The following ALS2CL variants were observed in gnomAD, a reference collection of about 807,000 sequenced individuals.
ALS2CL encodes ALS2 C-terminal like, also known as ALS2 C-terminal-like protein.
In ALS2CL, 112 loss-of-function variants were observed where a neutral mutation model predicts 127.9. The observed-to-expected ratio is 0.88, with a 90% confidence interval of 0.75 to 1.02. The LOEUF is 1.02. ALS2CL is among the 50% of genes least tolerant of loss of function. ALS2CL has a pLI of 0.00. For missense variants in ALS2CL, 1,174 were observed against 1,236.7 expected, an observed-to-expected ratio of 0.95 and a Z score of 0.76; for synonymous variants, 519 against 527.6, an observed-to-expected ratio of 0.98 and a Z score of 0.22.
In ALS2CL at chr3:46,686,978, C is replaced by A. The variant is rs777181021; in HGVS notation, c.534+5G>T. 34 of 1,585,012 alleles carry A rather than the reference C, an allele frequency of 2.1e-5. 1 individual carries two copies. Among genetic ancestry groups the A allele is most frequent in the South Asian group, 1.6e-4 (14 of 88,226 alleles). The stretch of plus-strand genomic sequence containing the variant: ...TCCCCACATGCTGCTGCCCCTGGTA[C>A]CCACCTCCCCAATGGTGTCCCCGAG... On this transcript the variant is annotated splice_donor_5th_base_variant and intron_variant, in intron 5 of 25. Transcript: ENST00000318962. The surrounding 1 kb of genome is among the most constrained non-coding windows in gnomAD (Gnocchi z 4.3).
chr3:46,685,759 A>C lies in ALS2CL; in HGVS notation c.667-115T>G. 2.8e-6 allele frequency: 4 copies of C among 1,410,806 alleles called. 1 individual carries two copies. In the South Asian group the frequency reaches 5.7e-5, roughly 20 times the overall value. 87.4% of individuals were successfully genotyped at this position (1,410,806 alleles called of 1,614,324 possible). ...ACCTCCCAGAGGCCCCCTCCAGTAG[A>C]CCTGGAGCGGACCCTGGGTCAGAGA... On this transcript the variant is annotated intron_variant, in intron 6 of 25. Coordinates refer to ENST00000318962, the MANE Select transcript of ALS2CL (RefSeq NM_147129.5).
chr3:46,671,692 G>T, intron 24 of ALS2CL, 108 bp from the exon 25 acceptor site: 2 of 1,576,630 alleles, frequency 1.3e-6, no homozygotes, highest in Middle Eastern at 1.7e-4. Flanking sequence ...GACACCTGGG[G>T]TGTGGTCCTC....
chr3:46,676,991 T>C lies in ALS2CL; in HGVS notation c.1789A>G (p.Ser597Gly), dbSNP rs2106703234. The change falls in exon 17 of 26, where the codon AGC (serine) becomes GGC (glycine). Residue 597 changes from serine (S) to glycine (G), a missense_variant. By Grantham distance (56) the Ser-to-Gly change is moderately conservative (BLOSUM62 0). Coordinates refer to ENST00000318962, the MANE Select transcript of ALS2CL (RefSeq NM_147129.5). Reference protein sequence around the residue: ...QLGVGAFPVESRWQGVYSPFR... With the variant: ...QLGVGAFPVEGRWQGVYSPFR... ...GGGCTGTAGACTCCCTGCCAGCGGC[T>C]TTCCACGGGGAAGGCACCCACGCCC... 1 of 1,611,000 alleles carries C rather than the reference T, an allele frequency of 6.2e-7. No individual in the cohort carries two copies. The highest frequency in any genetic ancestry group is 2.2e-5 in the East Asian group (1 of 44,838).
At position 46,686,383 on chromosome 3, in the gene ALS2CL, C is replaced by T. The variant is rs1301452001; in HGVS notation, c.591G>A (p.Gln197=). The change falls in exon 6 of 26, where the codon CAG becomes CAA. Residue 197 remains glutamine (Q), a synonymous_variant. Transcript: ENST00000318962. The surrounding 1 kb of genome is among the most constrained non-coding windows in gnomAD (Gnocchi z 4.3). ...VNAVTLFGNL[Q]SFMKQELDQA... Reference sequence around the variant, plus strand: ...GGTCCAACTCCTGCTTCATGAAGGACTGCAGGTTCCCAAAGAGGGTGACTG... The same window carrying T: ...GGTCCAACTCCTGCTTCATGAAGGATTGCAGGTTCCCAAAGAGGGTGACTG... 1.2e-6 allele frequency: 2 copies of T among 1,613,798 alleles called. No homozygotes were observed. Among genetic ancestry groups the T allele is most frequent in the Admixed American group, 1.7e-5 (1 of 60,004 alleles).
In ALS2CL at chr3:46,676,875, C is replaced by A. The variant is rs1171740295; in HGVS notation, c.1905G>T (p.Arg635Ser). Reference protein sequence around the residue: ...FDVQSSRELRRSQDYLSCERT... With the variant: ...FDVQSSRELRSSQDYLSCERT... The stretch of plus-strand genomic sequence containing the variant: ...TCTCGCAGGACAGGTAATCCTGAGA[C>A]CTACGCAGCTCCCTGGAGCTCTGCA... Residue 635 changes from arginine to serine, a missense_variant, in exon 17 of 26, where the codon AGG (arginine) becomes AGT (serine). Arg to Ser is a moderately radical substitution (Grantham distance 110). Coordinates refer to ENST00000318962, the MANE Select transcript of ALS2CL (RefSeq NM_147129.5). 1.2e-6 allele frequency: 2 copies of A among 1,612,032 alleles called. No homozygotes were observed. Among genetic ancestry groups the A allele is most frequent in the Admixed American group, 3.3e-5 (2 of 59,964 alleles).
intron 22 of ALS2CL, among the ~76,000 whole-genome samples, 161 bp downstream of exon 22, chr3:46,673,178 C>T (rs113516865): frequency 2.6e-5 from 4 of 152,256 alleles, no homozygotes; most frequent in Non-Finnish European, 5.9e-5. Context: ...AGCTTACCTC[C>T]ACCACACTGG....
Position 46,675,033 on chromosome 3 carries a change from T to A in ALS2CL, c.2256-294A>T, listed in dbSNP as rs7433347. Reference sequence around the variant, plus strand: ...CCCAGATGGACCAGCAACTTGCAGCTGAGCTCTCAGCAGCCATTCCAGGCT... The same window carrying A: ...CCCAGATGGACCAGCAACTTGCAGCAGAGCTCTCAGCAGCCATTCCAGGCT... On this transcript the variant is annotated intron_variant, in intron 20 of 25. Coordinates refer to ENST00000318962, the MANE Select transcript of ALS2CL (RefSeq NM_147129.5). 516 of 324,792 alleles carry A rather than the reference T, an allele frequency of 1.6e-3. 1 individual carries two copies. Among genetic ancestry groups the A allele is most frequent in the African/African-American group, 0.01 (486 of 47,082 alleles). The allele number at this position is 324,792 out of a possible 1,614,324, so 20.1% of individuals were successfully genotyped here.
In ALS2CL at chr3:46,675,360, C is replaced by G. The variant is rs755451306; in HGVS notation, c.2255+258G>C. 242 of 465,474 alleles carry G rather than the reference C, an allele frequency of 5.2e-4. 1 individual carries two copies. The highest frequency in any genetic ancestry group is 1.2e-3 in the Middle Eastern group (2 of 1,722). The allele number at this position is 465,474 out of a possible 1,614,324, so 28.8% of individuals were successfully genotyped here. ...CGGGGAGCTACTCACCTTCTGCATG[C>G]GAAAGATGAGATTGGGATCATACAT... On this transcript the variant is annotated intron_variant, in intron 20 of 25. Transcript: ENST00000318962.
intron 19 of ALS2CL, 153 bp from the exon 20 acceptor site, chr3:46,675,839 T>C: frequency 6.8e-7 from 1 of 1,472,578 alleles, no homozygotes; most frequent in Non-Finnish European, 9.0e-7. Context: ...GTTAGAAGGT[T>C]GGAGCTCCAG....
Position 46,692,336 on chromosome 3 carries a change from C to T in ALS2CL, c.-26+1307G>A, listed in dbSNP as rs182536344. 1.3e-4 allele frequency among the ~76,000 whole-genome samples: 20 copies of T among 152,180 alleles called. No homozygotes were observed. In the East Asian group the frequency reaches 3.9e-3, roughly 29 times the overall value. On this transcript the variant is annotated intron_variant, in intron 1 of 25. Coordinates refer to ENST00000318962, the MANE Select transcript of ALS2CL (RefSeq NM_147129.5). ...GCTGAACCTTAATATGAGGAGGATC[C>T]TGCAGGAGTACCCCCCTCCCCAACC... is the stretch of plus-strand genomic sequence containing the variant.
At chr3:46,685,057 T>C (rs1262671829) in intron 7 of ALS2CL, among the ~76,000 whole-genome samples, 1 of 152,172 alleles carries the variant, frequency 6.6e-6, no homozygotes, top group Admixed American at 6.5e-5. Flanking sequence ...ACTTCCACAA[T>C]GCTGAAAGCC....
chr3:46,680,665 C>T (rs1256206004), intron 13 of ALS2CL, 124 bp from the exon 14 acceptor site: 2 of 770,802 alleles, frequency 2.6e-6, no homozygotes, highest in Admixed American at 2.2e-5. Context: ...TGAATCCACT[C>T]AACAGACACA....
chr3:46,682,741 G>A (rs570817647), intron 10 of ALS2CL, among the ~76,000 whole-genome samples: 1 of 152,282 alleles, frequency 6.6e-6, no homozygotes, highest in East Asian at 1.9e-4. Flanking sequence ...CTATGAAATG[G>A]GTAAAAGCAC....
Position 46,679,628 on chromosome 3 carries a change from C to T in ALS2CL, c.1549-341G>A, listed in dbSNP as rs551449627. The T allele has an allele frequency of 8.9e-5, 16 of 179,810 alleles. No homozygotes were observed. In the East Asian group the frequency reaches 1.5e-3, roughly 17 times the overall value. The allele number at this position is 179,810 out of a possible 1,614,324, so 11.1% of individuals were successfully genotyped here. ...CCCTGCTTGTCACTGGCCCTGGGAA[C>T]GGCAGAGCTGACCAGGCTCCCTTGC... On this transcript the variant is annotated intron_variant, in intron 14 of 25. Transcript: ENST00000318962.
At chr3:46,684,811 A>G (rs968151388) in intron 7 of ALS2CL, among the ~76,000 whole-genome samples, 1 of 152,178 alleles carries the variant, frequency 6.6e-6, no homozygotes, top group African/African-American at 2.4e-5. Flanking sequence ...GGGGAATTCA[A>G]ACTAAATCAG....
chr3:46,679,313 T>C, intron 14 of ALS2CL, 26 bp from the exon 15 acceptor site: 1 of 1,550,432 alleles, frequency 6.4e-7, no homozygotes, highest in Non-Finnish European at 8.8e-7. Flanking sequence ...CCAGGGAGGG[T>C]AGAAAGGGTG....
At chr3:46,672,287 C>A in intron 22 of ALS2CL, 86 bp from the exon 23 acceptor site, 2 of 1,506,694 alleles carry the variant, frequency 1.3e-6, no homozygotes, top group African/African-American at 1.4e-5. Flanking sequence ...CCTGAGTCCC[C>A]CGCCACCCTT....
At chr3:46,677,487 C>T (rs1400131988) in intron 16 of ALS2CL, 1 of 801,990 alleles carries the variant, frequency 1.2e-6, no homozygotes, top group African/African-American at 1.9e-5. Flanking sequence ...CAGTGTCATG[C>T]TCGTAGGCTA....
chr3:46,687,362 C>T (rs1395970994), intron 4 of ALS2CL, among the ~76,000 whole-genome samples: 1 of 152,244 alleles, frequency 6.6e-6, no homozygotes, highest in Non-Finnish European at 1.5e-5. Flanking sequence ...CACAACCATC[C>T]ACCCTGAAGG....
Sources: allele counts gnomAD v4.1 joint callset (sites outside exome capture counted in the v4.1 genomes callset), GRCh38; gene constraint gnomAD v4.1.1; non-coding constraint Gnocchi (gnomAD v3.1); transcripts MANE v1.5; gene names NCBI Gene and HGNC (gene_info 2026-07-23, HGNC 2026-07-21).